The following ATRNL1 variants were observed in gnomAD, a reference collection of about 807,000 sequenced individuals.
ATRNL1 encodes attractin-like protein 1.
ATRNL1 carries 95 observed loss-of-function variants against 182.7 expected under a neutral mutation model. That is an observed-to-expected ratio of 0.52 (90% CI 0.44 to 0.62). The LOEUF is 0.62. Ranked by LOEUF, ATRNL1 falls within the 20% of genes least tolerant of loss-of-function variation. The pLI, the probability that ATRNL1 is intolerant of heterozygous loss-of-function variation, is 0.00. For synonymous variants in ATRNL1, 576 were observed against 568.3 expected, an observed-to-expected ratio of 1.01 and a Z score of -0.19; for missense variants, 1,471 against 1,679.5, an observed-to-expected ratio of 0.88 and a Z score of 2.17.
chr10:115,773,657 G>A (rs1167658123), intron 27 of ATRNL1, among the ~76,000 whole-genome samples: 2 of 152,118 alleles, frequency 1.3e-5, no homozygotes, highest in Non-Finnish European at 2.9e-5. Context: ...TAAGACTGGG[G>A]ACCCCTGCAC....
intron 26 of ATRNL1, among the ~76,000 whole-genome samples, chr10:115,624,050 C>T (rs1339516381): frequency 6.6e-6 from 1 of 150,522 alleles, no homozygotes; most frequent in Non-Finnish European, 1.5e-5. Flanking sequence ...TTTCTATACC[C>T]ACATAGTCAT....
intron 24 of ATRNL1, among the ~76,000 whole-genome samples, chr10:115,500,991 C>T (rs771188820): frequency 2.4e-5 from 3 of 122,614 alleles, no homozygotes; most frequent in African/African-American, 3.2e-5. Context: ...TGCAATGGTG[C>T]GAGCTCCACT....
At chr10:115,794,287 C>A (rs1949599334) in intron 27 of ATRNL1, among the ~76,000 whole-genome samples, 1 of 152,102 alleles carries the variant, frequency 6.6e-6, no homozygotes, top group Non-Finnish European at 1.5e-5. Flanking sequence ...ACCTGACACC[C>A]TTTTATCTCC....
In ATRNL1 at chr10:115,268,313, A is replaced by G. The variant is rs782472795; in HGVS notation, c.1982-13A>G. The G allele has an allele frequency of 8.4e-5, 127 of 1,507,174 alleles. No homozygotes were observed. Among genetic ancestry groups the G allele is most frequent in the Non-Finnish European group, 1.1e-4 (121 of 1,083,342 alleles). The allele number at this position is 1,507,174 out of a possible 1,614,324, so 93.4% of individuals were successfully genotyped here. A position where few individuals can be genotyped will look rare whatever the true frequency, so the allele number is the denominator to read the frequency against. On this transcript the variant is annotated splice_polypyrimidine_tract_variant and intron_variant, in intron 12 of 28. Coordinates refer to ENST00000355044, the MANE Select transcript of ATRNL1 (RefSeq NM_207303.4). ...TTTCCGTGCTGATATATCGTCCCCCATTTGTATTATAGCTGCTTCTGATGA... is the reference window on the plus strand; with the variant it reads ...TTTCCGTGCTGATATATCGTCCCCCGTTTGTATTATAGCTGCTTCTGATGA...
At chr10:115,778,628 T>C (rs1555078528) in intron 27 of ATRNL1, among the ~76,000 whole-genome samples, 1 of 152,142 alleles carries the variant, frequency 6.6e-6, no homozygotes. Context: ...AGAAGGATGA[T>C]TGAAAGGGAA....
At chr10:115,764,126 C>G (rs940337413) in intron 27 of ATRNL1, among the ~76,000 whole-genome samples, 8 of 152,100 alleles carry the variant, frequency 5.3e-5, no homozygotes, top group African/African-American at 1.7e-4. Flanking sequence ...TAAGGAACAA[C>G]TACGTTTTTA....
intron 26 of ATRNL1, among the ~76,000 whole-genome samples, chr10:115,621,276 T>TATATATAGAGAGAGAGAGAG (rs1268020830): frequency 2.3e-4 from 11 of 47,578 alleles, no homozygotes; most frequent in Non-Finnish European, 3.3e-4. Context: ...TATATATATA[T>TATATATAGAGAGAGAGAGAG]AGAGAGAGAG....
chr10:115,696,280 C>A (rs1555049768), intron 26 of ATRNL1, among the ~76,000 whole-genome samples: 1 of 152,118 alleles, frequency 6.6e-6, no homozygotes, highest in Admixed American at 6.6e-5. Flanking sequence ...AGTGCTGTGA[C>A]AAGCATACCT....
chr10:115,162,625 T>G (rs1846847000), intron 6 of ATRNL1, among the ~76,000 whole-genome samples: 1 of 150,574 alleles, frequency 6.6e-6, no homozygotes, highest in Non-Finnish European at 1.5e-5. Flanking sequence ...GATGATATAC[T>G]GGGGATTAGG....
intron 18 of ATRNL1, among the ~76,000 whole-genome samples, chr10:115,328,041 C>T (rs1461504800): frequency 6.6e-6 from 1 of 151,816 alleles, no homozygotes; most frequent in African/African-American, 2.4e-5. Flanking sequence ...ACATATGTAA[C>T]TAACCTGCAC....
rs572743389 is a variant in ATRNL1, at chr10:115,856,428, CAAAAAAAA to C, written c.4018+8452_4018+8459del. On this transcript the variant is annotated intron_variant, in intron 28 of 28. Transcript: ENST00000355044. ...GGGCAACAAGAGCGAAGCTCCATCTCAAAAAAAAAAAAAAAAAAAAAAGCCATACATAC... is the reference window on the plus strand; with the variant it reads ...GGGCAACAAGAGCGAAGCTCCATCTCAAAAAAAAAAAAAAGCCATACATAC... Among the ~76,000 whole-genome samples, 117 of 22,542 alleles carry C rather than the reference CAAAAAAAA, an allele frequency of 5.2e-3. 4 individuals are homozygous for C. Among genetic ancestry groups the C allele is most frequent in the African/African-American group, 8.0e-3 (58 of 7,286 alleles). 14.8% of individuals were successfully genotyped at this position (22,542 alleles called of 152,430 possible). A position where few individuals can be genotyped will look rare whatever the true frequency, so the allele number is the denominator to read the frequency against.
intron 20 of ATRNL1, among the ~76,000 whole-genome samples, chr10:115,420,299 C>T (rs1286749179): frequency 6.6e-6 from 1 of 152,072 alleles, no homozygotes; most frequent in African/African-American, 2.4e-5. Context: ...CTGCCTCGGC[C>T]TCCCAAAGTG....
At position 115,298,338 on chromosome 10, in the gene ATRNL1, G is replaced by A. The variant is rs187720546; in HGVS notation, c.2416-1696G>A. Among the ~76,000 whole-genome samples, 186 of 152,216 alleles carry A rather than the reference G, an allele frequency of 1.2e-3. 1 individual carries two copies. Among genetic ancestry groups the A allele is most frequent in the East Asian group, 1.9e-3 (10 of 5,182 alleles). ...TAATATAGTTATTTATCTTACATAA[G>A]ATAATGAACTGCCTGTCCAGTTCAT... On this transcript the variant is annotated intron_variant, in intron 15 of 28. Coordinates refer to ENST00000355044, the MANE Select transcript of ATRNL1 (RefSeq NM_207303.4).
rs1301725805 is a variant in ATRNL1, at chr10:115,844,166, C to T, written c.3904-3711C>T. Among the ~76,000 whole-genome samples, 3 of 152,112 alleles carry T rather than the reference C, an allele frequency of 2.0e-5. No homozygotes were observed. In the East Asian group the frequency reaches 5.8e-4, roughly 29 times the overall value. ...AGAAAGGATGTAACATCTTTTTAATCTTGAGTCCTTGAATGTTCTACTAAA... is the reference window on the plus strand; with the variant it reads ...AGAAAGGATGTAACATCTTTTTAATTTTGAGTCCTTGAATGTTCTACTAAA... On this transcript the variant is annotated intron_variant, in intron 27 of 28. Transcript: ENST00000355044.
intron 25 of ATRNL1, among the ~76,000 whole-genome samples, chr10:115,529,404 T>G (rs1851433756): frequency 6.6e-6 from 1 of 151,850 alleles, no homozygotes; most frequent in Admixed American, 6.6e-5. Context: ...GATATTTTGG[T>G]TTTGTTTTAA....
At chr10:115,866,982 G>C (rs1422545224) in intron 28 of ATRNL1, among the ~76,000 whole-genome samples, 1 of 152,132 alleles carries the variant, frequency 6.6e-6, no homozygotes, top group Non-Finnish European at 1.5e-5. Context: ...TGAATTTCAG[G>C]CTTGCTCAGA....
At chr10:115,144,444 C>T (rs1845887972) in intron 5 of ATRNL1, among the ~76,000 whole-genome samples, 1 of 152,092 alleles carries the variant, frequency 6.6e-6, no homozygotes, top group African/African-American at 2.4e-5. Flanking sequence ...AGGCGTGAGC[C>T]ACTGTGCCCG....
At chr10:115,550,156 G>A (rs1042923378) in intron 26 of ATRNL1, among the ~76,000 whole-genome samples, 2 of 151,670 alleles carry the variant, frequency 1.3e-5, no homozygotes, top group African/African-American at 4.8e-5. Flanking sequence ...CGAAAGGAAC[G>A]AAGAAACAAA....
At chr10:115,565,875 T>C (rs782489656) in intron 26 of ATRNL1, among the ~76,000 whole-genome samples, 10 of 152,154 alleles carry the variant, frequency 6.6e-5, no homozygotes, top group Non-Finnish European at 1.0e-4. Context: ...TAAAATAACA[T>C]TAATTTCCAT....
Sources: allele counts gnomAD v4.1 joint callset (sites outside exome capture counted in the v4.1 genomes callset), GRCh38; gene constraint gnomAD v4.1.1; transcripts MANE v1.5; gene names NCBI Gene and HGNC (gene_info 2026-07-23, HGNC 2026-07-21).